Variants in AGBL1 observed in about 807,000 individuals in gnomAD.
AGBL1 encodes the protein AGBL carboxypeptidase 1.
In AGBL1, 130 loss-of-function variants were observed where a neutral mutation model predicts 118.9. The observed-to-expected ratio is 1.09, with a 90% CI of 0.95 to 1.26. The LOEUF (loss-of-function observed/expected upper bound fraction) is 1.26. Among genes scored for constraint, AGBL1 ranks in the 50% most tolerant of loss-of-function variants. The pLI, the probability that AGBL1 is intolerant of heterozygous loss-of-function variation, is 0.00. For missense variants in AGBL1, 1,584 were observed against 1,298.1 expected, an observed-to-expected ratio of 1.22 and a Z score of -3.38; for synonymous variants, 555 against 478.9, an observed-to-expected ratio of 1.16 and a Z score of -2.08.
At chr15:86,353,819 A>C (rs187109772) in intron 17 of AGBL1, among the ~76,000 whole-genome samples, 73 of 152,312 alleles carry the variant, frequency 4.8e-4, no homozygotes, top group South Asian at 1.0e-3. Context: ...CAGACATCTC[A>C]AAAAACACCC....
intron 24 of AGBL1, among the ~76,000 whole-genome samples, chr15:87,015,882 C>G (rs993593452): frequency 6.6e-6 from 1 of 152,070 alleles, no homozygotes; most frequent in South Asian, 2.1e-4. Flanking sequence ...AGGTATACTA[C>G]CTTAGAATGA....
intron 22 of AGBL1, among the ~76,000 whole-genome samples, chr15:86,759,334 A>C (rs2077989766): frequency 1.3e-5 from 2 of 152,100 alleles, no homozygotes; most frequent in African/African-American, 4.8e-5. Context: ...CTTAATAGGC[A>C]TGTGATTTGG....
chr15:86,455,471 TG>T (rs2082248113), intron 18 of AGBL1, among the ~76,000 whole-genome samples: 1 of 152,178 alleles, frequency 6.6e-6, no homozygotes, highest in South Asian at 2.1e-4. Flanking sequence ...TTGGTTGGGT[TG>T]TTTTTTTAAT....
intron 24 of AGBL1, among the ~76,000 whole-genome samples, chr15:87,020,377 C>T (rs1009641546): frequency 6.6e-6 from 1 of 151,888 alleles, no homozygotes; most frequent in African/African-American, 2.4e-5. Flanking sequence ...CATATATAAC[C>T]AACCCACAGC....
At position 86,459,354 on chromosome 15, in the gene AGBL1, C is replaced by T. The variant is rs765432788; in HGVS notation, c.2555+61808C>T. ...ATGCACTCACATGCTTGAGGGAAAC[C>T]GAAGCCACAACGAGTGACAAATGTT... On this transcript the variant is annotated intron_variant, in intron 18 of 22. Coordinates refer to ENST00000614907, the MANE Select transcript of AGBL1 (RefSeq NM_001386094.1). Among the ~76,000 whole-genome samples the T allele has an allele frequency of 2.9e-4, 44 of 152,146 alleles. 1 individual carries two copies. Among genetic ancestry groups the T allele is most frequent in the East Asian group, 7.7e-4 (4 of 5,166 alleles).
intron 18 of AGBL1, among the ~76,000 whole-genome samples, chr15:86,438,972 A>AT (rs1220661155): frequency 6.6e-6 from 1 of 151,910 alleles, no homozygotes; most frequent in African/African-American, 2.4e-5. Flanking sequence ...GATAGTCTGT[A>AT]TTTTATCTGG....
intron 6 of AGBL1, among the ~76,000 whole-genome samples, chr15:86,237,280 C>T (rs2078567366): frequency 6.6e-6 from 1 of 152,100 alleles, no homozygotes; most frequent in Admixed American, 6.5e-5. Context: ...TTGCTATTTG[C>T]CTCTTCCTCA....
In AGBL1 at chr15:86,256,882, C is replaced by T. The variant is rs375624311; in HGVS notation, c.765C>T (p.Pro255=). 7.1e-5 allele frequency: 114 copies of T among 1,613,836 alleles called. No individual in the cohort carries two copies. Among genetic ancestry groups the T allele is most frequent in the East Asian group, 2.2e-4 (10 of 44,860 alleles). The change falls in exon 8 of 23, where the codon CCC becomes CCT. Residue 255 remains proline, a synonymous_variant. Coordinates refer to ENST00000614907, the MANE Select transcript of AGBL1 (RefSeq NM_001386094.1). ...QNCLDDKSME[P]VISVVLQILR... is the part of the protein sequence containing the mutation. Reference sequence around the variant, plus strand: ...GCCTGGATGACAAGAGCATGGAGCCCGTCATCTCTGTGGTGCTTCAGATCC... The same window carrying T: ...GCCTGGATGACAAGAGCATGGAGCCTGTCATCTCTGTGGTGCTTCAGATCC...
chr15:86,103,363 A>T (rs1299615212), intron 1 of AGBL1, among the ~76,000 whole-genome samples: 1 of 152,124 alleles, frequency 6.6e-6, no homozygotes, highest in African/African-American at 2.4e-5. Flanking sequence ...TTTTTATTGT[A>T]ATCTGTTGCT....
chr15:86,250,800 G>A (rs1191339603), intron 7 of AGBL1, among the ~76,000 whole-genome samples: 1 of 152,172 alleles, frequency 6.6e-6, no homozygotes, highest in Non-Finnish European at 1.5e-5. Context: ...GTGTGCTGGA[G>A]TTACAGCTGC....
At chr15:86,400,965 G>A (rs1002763979) in intron 18 of AGBL1, among the ~76,000 whole-genome samples, 4 of 151,928 alleles carry the variant, frequency 2.6e-5, no homozygotes, top group African/African-American at 9.7e-5. Context: ...CTTTTCCTTT[G>A]GGTAGATCCC....
chr15:86,854,696 A>G (rs1301634622), intron 22 of AGBL1, among the ~76,000 whole-genome samples: 1 of 152,140 alleles, frequency 6.6e-6, no homozygotes, highest in Non-Finnish European at 1.5e-5. Context: ...AAGGCCATTG[A>G]TAAATGTTCA....
At chr15:86,154,675 G>A in intron 4 of AGBL1, 114 bp downstream of exon 4, 2 of 1,264,236 alleles carry the variant, frequency 1.6e-6, no homozygotes, top group South Asian at 1.7e-5. Flanking sequence ...TACACATGGT[G>A]GTCCCAGCCA....
chr15:86,262,143 G>A (rs2079001142), intron 9 of AGBL1, among the ~76,000 whole-genome samples: 1 of 122,552 alleles, frequency 8.2e-6, no homozygotes, highest in African/African-American at 3.0e-5. Context: ...GTCCTCCTGA[G>A]ATCTCCTAAT....
At chr15:86,788,571 C>T (rs576936733) in intron 22 of AGBL1, among the ~76,000 whole-genome samples, 1 of 152,288 alleles carries the variant, frequency 6.6e-6, no homozygotes, top group South Asian at 2.1e-4. Context: ...AGAAGCAAGA[C>T]CTCCTGGAGC....
At chr15:86,314,584 A>C (rs1349807456) in intron 17 of AGBL1, among the ~76,000 whole-genome samples, 1 of 152,110 alleles carries the variant, frequency 6.6e-6, no homozygotes, top group African/African-American at 2.4e-5. Flanking sequence ...ACCTGGGCTT[A>C]ATTTTATTGA....
chr15:86,589,796 C>T (rs2084306715), intron 21 of AGBL1, among the ~76,000 whole-genome samples: 1 of 152,160 alleles, frequency 6.6e-6, no homozygotes, highest in South Asian at 2.1e-4. Flanking sequence ...TCTATCATTT[C>T]TCTATCTGTC....
intron 22 of AGBL1, among the ~76,000 whole-genome samples, chr15:86,878,465 C>T (rs2079845499): frequency 6.6e-6 from 1 of 152,176 alleles, no homozygotes; most frequent in Non-Finnish European, 1.5e-5. Flanking sequence ...TCCACAAGGC[C>T]ATCCCTCCTA....
intron 18 of AGBL1, among the ~76,000 whole-genome samples, chr15:86,410,945 A>T (rs2081611164): frequency 9.8e-6 from 1 of 101,970 alleles, no homozygotes; most frequent in Non-Finnish European, 2.0e-5. Flanking sequence ...TATATTATAT[A>T]TATATAGAGA....
Sources: gnomAD v4.1 joint callset for allele counts (sites outside exome capture counted in the v4.1 genomes callset) on GRCh38, gnomAD v4.1.1 for gene constraint, MANE v1.5 for transcripts, NCBI Gene and HGNC (gene_info 2026-07-23, HGNC 2026-07-21) for gene names.